The following LSAMP variants were observed in gnomAD, a reference collection of about 807,000 sequenced individuals.
The protein encoded by LSAMP is limbic system-associated membrane protein.
In LSAMP, 7 loss-of-function variants were observed where a neutral mutation model predicts 38.6. The observed-to-expected ratio is 0.18, with a 90% CI of 0.10 to 0.34. The LOEUF (loss-of-function observed/expected upper bound fraction) is 0.34, where lower values mean the gene tolerates loss of function less well. Ranked by LOEUF, LSAMP falls within the 10% of genes least tolerant of loss-of-function variation. The pLI is 1.00. For synonymous variants in LSAMP, 154 were observed against 166.8 expected (o/e 0.92, Z 0.59); for missense variants, 313 against 420.0 (o/e 0.75, Z 2.23).
chr3:115,851,360 G>C (rs9832144), intron 4 of LSAMP, among the ~76,000 whole-genome samples: 88 of 152,308 alleles, frequency 5.8e-4, no homozygotes, highest in Non-Finnish European at 8.4e-4. Flanking sequence ...GTGGGCTTTA[G>C]AATCAAATGG....
At chr3:116,152,519 G>T (rs1003172299) in intron 1 of LSAMP, among the ~76,000 whole-genome samples, 4 of 152,106 alleles carry the variant, frequency 2.6e-5, no homozygotes, top group Admixed American at 2.0e-4. Context: ...GTACTAAATT[G>T]AGCTTGTATA....
At chr3:116,366,035 A>AAAAAAAAAAAG (rs1273569949) in intron 1 of LSAMP, among the ~76,000 whole-genome samples, 2 of 144,786 alleles carry the variant, frequency 1.4e-5, no homozygotes, top group Non-Finnish European at 3.0e-5. Flanking sequence ...AAAAAAAAAA[A>AAAAAAAAAAAG]AAAAGAACTT....
chr3:116,158,080 T>C (rs1189117791), intron 1 of LSAMP, among the ~76,000 whole-genome samples: 2 of 151,972 alleles, frequency 1.3e-5, no homozygotes, highest in Non-Finnish European at 2.9e-5. Flanking sequence ...TTATTCGTCA[T>C]AAAAACAGAA....
chr3:116,401,287 AT>A (rs538719581), intron 1 of LSAMP, among the ~76,000 whole-genome samples: 132 of 149,896 alleles, frequency 8.8e-4, no homozygotes, highest in African/African-American at 3.1e-3. Flanking sequence ...CCTTGGTGAC[AT>A]TTTTTTTTTC....
chr3:116,442,684 G>A (rs534593950), intron 1 of LSAMP, among the ~76,000 whole-genome samples: 22 of 152,324 alleles, frequency 1.4e-4, no homozygotes, highest in African/African-American at 5.3e-4. Flanking sequence ...GTAAGGTGAG[G>A]TCTGGAAAAG....
intron 1 of LSAMP, among the ~76,000 whole-genome samples, chr3:116,101,450 C>G (rs1708345806): frequency 1.3e-5 from 2 of 152,122 alleles, no homozygotes; most frequent in Admixed American, 1.3e-4. Context: ...AATAATTGTG[C>G]ATATTCATTA....
intron 3 of LSAMP, among the ~76,000 whole-genome samples, chr3:115,950,689 G>A (rs1156587318): frequency 2.6e-5 from 4 of 151,062 alleles, no homozygotes; most frequent in South Asian, 4.2e-4. Flanking sequence ...CACAGATTAA[G>A]TGCAATTCCT....
intron 1 of LSAMP, among the ~76,000 whole-genome samples, chr3:116,303,501 T>TTA (rs2107708702): frequency 6.6e-6 from 1 of 152,314 alleles, no homozygotes; most frequent in South Asian, 2.1e-4. Context: ...CAGTGTCTAG[T>TTA]ATCTCTGAGA....
chr3:116,338,538 A>G (rs1159626192), intron 1 of LSAMP, among the ~76,000 whole-genome samples: 1 of 152,018 alleles, frequency 6.6e-6, no homozygotes, highest in Non-Finnish European at 1.5e-5. Flanking sequence ...GTAAGCTAGA[A>G]GCATCTTTAT....
chr3:116,358,746 T>C (rs995207385), intron 1 of LSAMP, among the ~76,000 whole-genome samples: 1 of 152,164 alleles, frequency 6.6e-6, no homozygotes, highest in African/African-American at 2.4e-5. Flanking sequence ...AGTACAAAAA[T>C]GTGAGTCACT....
intron 1 of LSAMP, among the ~76,000 whole-genome samples, chr3:116,441,400 A>G (rs1324429521): frequency 6.6e-6 from 1 of 152,220 alleles, no homozygotes; most frequent in East Asian, 1.9e-4. Flanking sequence ...GATATGTGAT[A>G]ATATAATGTA....
At chr3:116,338,922 G>T (rs2047955709) in intron 1 of LSAMP, among the ~76,000 whole-genome samples, 1 of 152,018 alleles carries the variant, frequency 6.6e-6, no homozygotes, top group Middle Eastern at 3.2e-3. Flanking sequence ...ACAGTAGAGT[G>T]ATTATCAACC....
chr3:116,425,462 C>A (rs568280218), intron 1 of LSAMP, among the ~76,000 whole-genome samples: 1 of 152,320 alleles, frequency 6.6e-6, no homozygotes, highest in South Asian at 2.1e-4. Context: ...AGTACTGATG[C>A]AAATATGGCT....
At chr3:116,154,656 C>G (rs1472583097) in intron 1 of LSAMP, among the ~76,000 whole-genome samples, 1 of 152,098 alleles carries the variant, frequency 6.6e-6, no homozygotes, top group Non-Finnish European at 1.5e-5. Context: ...GCTTTTCAAG[C>G]ACACCTTGCT....
chr3:116,391,296 C>A (rs1053410260), intron 1 of LSAMP, among the ~76,000 whole-genome samples: 2 of 151,060 alleles, frequency 1.3e-5, no homozygotes, highest in African/African-American at 2.4e-5. Context: ...CTGTGCCCCG[C>A]CCCCCCCGTG....
chr3:116,218,146 G>A (rs1394192070), intron 1 of LSAMP, among the ~76,000 whole-genome samples: 1 of 152,064 alleles, frequency 6.6e-6, no homozygotes. Flanking sequence ...AGGAGTGGGA[G>A]TTGTCCTTCC....
intron 1 of LSAMP, among the ~76,000 whole-genome samples, chr3:116,260,490 ATGAG>A (rs2046810834): frequency 6.6e-6 from 1 of 152,140 alleles, no homozygotes; most frequent in South Asian, 2.1e-4. Context: ...AGGAATAAAA[ATGAG>A]TGAGATACAA....
chr3:116,007,057 G>T (rs570720698), intron 3 of LSAMP, among the ~76,000 whole-genome samples: 8 of 152,078 alleles, frequency 5.3e-5, no homozygotes, highest in Non-Finnish European at 7.4e-5. Context: ...ATACCTTAAA[G>T]AATTAGATCT....
In LSAMP at chr3:115,810,262, T is replaced by G; in HGVS notation, c.*55A>C. 8.2e-7 allele frequency: 1 copy of G among 1,219,526 alleles called. No individual in the cohort carries two copies. The highest frequency in any genetic ancestry group is 1.2e-6 in the Non-Finnish European group (1 of 852,710). 75.5% of individuals were successfully genotyped at this position (1,219,526 alleles called of 1,614,324 possible). The stretch of plus-strand genomic sequence containing the variant: ...CTCTCTCTGTCTCTCTCTCTCTGTA[T>G]TCTGTGTGACGCATTTTTGTGTGTT... On this transcript the variant is annotated 3_prime_UTR_variant, in exon 7 of 7. Transcript: ENST00000490035.
Sources: allele counts gnomAD v4.1 joint callset (sites outside exome capture counted in the v4.1 genomes callset), GRCh38; gene constraint gnomAD v4.1.1; transcripts MANE v1.5; gene names NCBI Gene and HGNC (gene_info 2026-07-23, HGNC 2026-07-21).